Variants in KCTD16 observed in about 807,000 individuals in gnomAD.
KCTD16 encodes potassium channel tetramerization domain containing 16.
In KCTD16, 13 loss-of-function variants were observed where a neutral mutation model predicts 33.2. The ratio of observed to expected loss-of-function variants is 0.39; its 90% CI spans 0.25 to 0.62. KCTD16 has a LOEUF of 0.62. Ranked by LOEUF, KCTD16 falls within the 20% of genes least tolerant of loss-of-function variation. KCTD16 has a pLI of 0.50. For synonymous variants in KCTD16, 197 were observed against 195.3 expected (o/e 1.01, Z -0.07); for missense variants, 441 against 525.1 (o/e 0.84, Z 1.57).
intron 3 of KCTD16, among the ~76,000 whole-genome samples, chr5:144,364,249 C>A (rs75021605): frequency 0.027 from 4,067 of 152,280 alleles, 84 homozygotes; most frequent in African/African-American, 0.044. Context: ...GCTTCTGCAC[C>A]TGCAATTCTT....
chr5:144,426,442 A>G (rs1753331599), intron 3 of KCTD16, among the ~76,000 whole-genome samples: 1 of 152,116 alleles, frequency 6.6e-6, no homozygotes, highest in African/African-American at 2.4e-5. Context: ...TGCAAAAAAT[A>G]CAGGCTTTTT....
intron 3 of KCTD16, among the ~76,000 whole-genome samples, chr5:144,452,076 C>T (rs1418226818): frequency 1.3e-5 from 2 of 151,052 alleles, no homozygotes; most frequent in African/African-American, 2.4e-5. Flanking sequence ...AATATTTTCT[C>T]ATTGATCAGA....
At chr5:144,222,020 A>G (rs1169658725) in intron 3 of KCTD16, among the ~76,000 whole-genome samples, 1 of 152,212 alleles carries the variant, frequency 6.6e-6, no homozygotes, top group Non-Finnish European at 1.5e-5. Context: ...ATGACCAGTG[A>G]TGATGAGCTT....
At chr5:144,426,560 A>T (rs1259392780) in intron 3 of KCTD16, among the ~76,000 whole-genome samples, 1 of 152,026 alleles carries the variant, frequency 6.6e-6, no homozygotes, top group Non-Finnish European at 1.5e-5. Flanking sequence ...TCCATTTCTC[A>T]CTACCAATTT....
intron 3 of KCTD16, among the ~76,000 whole-genome samples, chr5:144,451,098 C>T (rs1194376031): frequency 6.6e-6 from 1 of 152,034 alleles, no homozygotes; most frequent in East Asian, 1.9e-4. Flanking sequence ...ACCAGTTATA[C>T]TTCAATATTA....
At chr5:144,219,566 G>T (rs1281071460) in intron 3 of KCTD16, among the ~76,000 whole-genome samples, 1 of 137,926 alleles carries the variant, frequency 7.3e-6, no homozygotes, top group Admixed American at 8.2e-5. Flanking sequence ...TGTCTCGCAG[G>T]CTGGAGTGCA....
rs1754580778 is a variant in KCTD16 at position 144,475,765 on chromosome 5, T to C, written c.*1651T>C. ...GACTAATTTCTTCCTTTTGAAATCT[T>C]TCATTGATGCACATTTATTATGTAA... On this transcript the variant is annotated 3_prime_UTR_variant, in exon 4 of 4. Transcript: ENST00000512467. The C allele has an allele frequency of 6.6e-6, 1 of 152,650 alleles. No homozygotes were observed. Among genetic ancestry groups the C allele is most frequent in the Non-Finnish European group, 1.5e-5 (1 of 68,030 alleles). 9.5% of individuals were successfully genotyped at this position (152,650 alleles called of 1,614,324 possible). A position where few individuals can be genotyped will look rare whatever the true frequency, so the allele number is the denominator to read the frequency against.
At chr5:144,183,290 C>T (rs2126775050) in intron 2 of KCTD16, among the ~76,000 whole-genome samples, 1 of 152,200 alleles carries the variant, frequency 6.6e-6, no homozygotes, top group South Asian at 2.1e-4. Context: ...AAAACATGGT[C>T]TCAAAATAAA....
intron 2 of KCTD16, among the ~76,000 whole-genome samples, chr5:144,194,741 T>C (rs10072336): frequency 0.45 from 68,567 of 151,642 alleles, 16,364 homozygotes; most frequent in African/African-American, 0.61. Context: ...ATGTAACTTT[T>C]TCAGCTGGTA....
chr5:144,460,199 C>A (rs951436823), intron 3 of KCTD16, among the ~76,000 whole-genome samples: 3 of 152,130 alleles, frequency 2.0e-5, no homozygotes, highest in African/African-American at 7.2e-5. Context: ...CTTTTCCTTG[C>A]GTATGCCATC....
intron 3 of KCTD16, among the ~76,000 whole-genome samples, chr5:144,222,367 G>A (rs1432723704): frequency 6.6e-6 from 1 of 152,102 alleles, no homozygotes; most frequent in Non-Finnish European, 1.5e-5. Flanking sequence ...GTGGTGTGGG[G>A]TATTCAACAT....
At chr5:144,388,151 C>T (rs1284148225) in intron 3 of KCTD16, among the ~76,000 whole-genome samples, 2 of 131,842 alleles carry the variant, frequency 1.5e-5, no homozygotes, top group African/African-American at 5.8e-5. Context: ...GGGATATCGG[C>T]TCACTGCAAG....
intron 3 of KCTD16, among the ~76,000 whole-genome samples, chr5:144,323,641 T>C (rs1000937492): frequency 9.2e-5 from 14 of 152,274 alleles, no homozygotes; most frequent in Admixed American, 4.6e-4. Flanking sequence ...TACAACCTCA[T>C]TGCACAAAAA....
chr5:144,356,367 C>T (rs1751571655), intron 3 of KCTD16, among the ~76,000 whole-genome samples: 1 of 152,098 alleles, frequency 6.6e-6, no homozygotes, highest in South Asian at 2.1e-4. Context: ...CTCATTCAAA[C>T]AAACCTTTAA....
intron 3 of KCTD16, among the ~76,000 whole-genome samples, chr5:144,472,466 G>A: frequency 6.6e-6 from 1 of 152,146 alleles, no homozygotes; most frequent in East Asian, 1.9e-4. Context: ...GCAGCATTAT[G>A]AGTCAAGACT....
intron 3 of KCTD16, among the ~76,000 whole-genome samples, chr5:144,359,250 G>A (rs1450705114): frequency 6.6e-6 from 1 of 152,130 alleles, no homozygotes; most frequent in African/African-American, 2.4e-5. Context: ...TACAAGTTCT[G>A]TTCATTATAA....
intron 3 of KCTD16, among the ~76,000 whole-genome samples, chr5:144,323,013 A>G (rs1752114118): frequency 6.6e-6 from 1 of 152,184 alleles, no homozygotes; most frequent in Non-Finnish European, 1.5e-5. Context: ...TTCTTCATTC[A>G]CACCTCATCA....
intron 3 of KCTD16, among the ~76,000 whole-genome samples, chr5:144,258,863 G>A (rs1342311699): frequency 6.6e-6 from 1 of 152,126 alleles, no homozygotes. Context: ...GCAGAGAAAT[G>A]ACTCTCAGTA....
chr5:144,426,180 G>T (rs890606513), intron 3 of KCTD16, among the ~76,000 whole-genome samples: 1 of 152,108 alleles, frequency 6.6e-6, no homozygotes, highest in Non-Finnish European at 1.5e-5. Flanking sequence ...CCCAAGTTCT[G>T]CATTCTATCA....
Sources: gnomAD v4.1 joint callset for allele counts (sites outside exome capture counted in the v4.1 genomes callset) on GRCh38, gnomAD v4.1.1 for gene constraint, MANE v1.5 for transcripts, NCBI Gene and HGNC (gene_info 2026-07-23, HGNC 2026-07-21) for gene names.